The following MYO1B variants were observed in gnomAD, a reference collection of about 807,000 sequenced individuals.
MYO1B encodes myosin IB.
MYO1B carries 72 observed loss-of-function variants against 159.7 expected under a neutral mutation model. That is an observed-to-expected ratio of 0.45 (90% CI 0.37 to 0.55). The LOEUF (loss-of-function observed/expected upper bound fraction) is 0.55. Among genes scored for constraint, MYO1B ranks in the 20% least tolerant of loss-of-function variants. The probability of loss-of-function intolerance (pLI) is 0.00; values close to 1 mark genes in which losing one functional copy is unlikely to be tolerated. For missense variants in MYO1B, 1,062 were observed against 1,364.8 expected (o/e 0.78, Z 3.50); for synonymous variants, 468 against 473.8 (o/e 0.99, Z 0.16).
At chr2:191,300,291 A>G (rs1689230486) in intron 3 of MYO1B, among the ~76,000 whole-genome samples, 2 of 105,768 alleles carry the variant, frequency 1.9e-5, no homozygotes, top group East Asian at 6.8e-4. Flanking sequence ...TACTTTGAAA[A>G]CTTTGCCAAT....
intron 3 of MYO1B, among the ~76,000 whole-genome samples, chr2:191,319,331 A>G (rs566136971): frequency 9.9e-5 from 15 of 152,230 alleles, no homozygotes; most frequent in Admixed American, 3.3e-4. Context: ...AAGCCCTACT[A>G]TGTTGACCAT....
At chr2:191,345,187 C>T (rs1692487757) in intron 5 of MYO1B, among the ~76,000 whole-genome samples, 1 of 152,136 alleles carries the variant, frequency 6.6e-6, no homozygotes, top group Admixed American at 6.6e-5. Flanking sequence ...AGGTGGGAGG[C>T]TTGGTAGAAA....
chr2:191,258,557 A>G (rs1359672947), intron 1 of MYO1B, among the ~76,000 whole-genome samples: 1 of 152,210 alleles, frequency 6.6e-6, no homozygotes, highest in Non-Finnish European at 1.5e-5. Context: ...CTGCATTTTA[A>G]ACTTATGGGA....
At chr2:191,343,987 G>A (rs1692394969) in intron 5 of MYO1B, among the ~76,000 whole-genome samples, 1 of 152,194 alleles carries the variant, frequency 6.6e-6, no homozygotes, top group Non-Finnish European at 1.5e-5. Flanking sequence ...GTTGTGTTTA[G>A]TAATGTGCAA....
Position 191,381,456 on chromosome 2 carries a change from A to T in MYO1B, c.1186-6A>T. On this transcript the variant is annotated splice_polypyrimidine_tract_variant and splice_region_variant and intron_variant, in intron 13 of 30. Transcript: ENST00000392318. ...TATAAAGCTGTTTTTCATTTTCTCC[A>T]TACAGGACAACAGCTTTGAGCAGTT... 2 of 1,610,778 alleles carry T rather than the reference A, an allele frequency of 1.2e-6. No individual in the cohort carries two copies. Among genetic ancestry groups the T allele is most frequent in the Non-Finnish European group, 1.7e-6 (2 of 1,177,152 alleles).
At chr2:191,270,207 C>A (rs956822801) in intron 1 of MYO1B, among the ~76,000 whole-genome samples, 2 of 152,050 alleles carry the variant, frequency 1.3e-5, no homozygotes, top group Admixed American at 6.6e-5. Flanking sequence ...GGAAAGGTGG[C>A]CAATTCATTG....
At chr2:191,341,854 A>G (rs1485262562) in intron 5 of MYO1B, among the ~76,000 whole-genome samples, 1 of 152,098 alleles carries the variant, frequency 6.6e-6, no homozygotes, top group African/African-American at 2.4e-5. Flanking sequence ...TCAACTGATC[A>G]TTTGCATATG....
At chr2:191,254,490 G>A (rs1487522077) in intron 1 of MYO1B, among the ~76,000 whole-genome samples, 1 of 151,322 alleles carries the variant, frequency 6.6e-6, no homozygotes, top group Non-Finnish European at 1.5e-5. Context: ...GATTACAGGC[G>A]TGAGCCACCG....
chr2:191,266,644 A>G (rs1687157052), intron 1 of MYO1B, among the ~76,000 whole-genome samples: 2 of 152,170 alleles, frequency 1.3e-5, no homozygotes, highest in South Asian at 4.1e-4. Flanking sequence ...TGGCTCTTCT[A>G]GAAACCAGCT....
chr2:191,282,170 G>T (rs117640897), intron 2 of MYO1B, among the ~76,000 whole-genome samples: 1 of 152,194 alleles, frequency 6.6e-6, no homozygotes, highest in African/African-American at 2.4e-5. Flanking sequence ...GGAATTTGGC[G>T]TAGATGGAGT....
At chr2:191,414,757 T>A (rs1574648624) in intron 29 of MYO1B, 88 bp downstream of exon 29, 1 of 1,408,760 alleles carries the variant, frequency 7.1e-7, no homozygotes, top group East Asian at 2.6e-5. Flanking sequence ...TCGCAGTTTA[T>A]ATATCTGCCT....
At chr2:191,294,796 T>TTATATATA (rs146354960) in intron 2 of MYO1B, among the ~76,000 whole-genome samples, 2 of 151,522 alleles carry the variant, frequency 1.3e-5, no homozygotes, top group African/African-American at 4.9e-5. Flanking sequence ...GAAAGTGTGT[T>TTATATATA]TATATATATA....
rs1697406362 is a variant in MYO1B, at chr2:191,413,987, T to C, written c.2874-61T>C. The C allele has an allele frequency of 3.3e-6, 5 of 1,520,326 alleles. No homozygotes were observed. The East Asian group carries it at 1.1e-4, about 35-fold the overall frequency. The allele number at this position is 1,520,326 out of a possible 1,614,324, so 94.2% of individuals were successfully genotyped here. ...CCTTAGAATCAACTGACCTGTTTCCTTTTTTTAGTGGTACTTTCATTTGAA... is the reference window on the plus strand; with the variant it reads ...CCTTAGAATCAACTGACCTGTTTCCCTTTTTTAGTGGTACTTTCATTTGAA... On this transcript the variant is annotated intron_variant, in intron 27 of 30. Transcript: ENST00000392318.
intron 30 of MYO1B, among the ~76,000 whole-genome samples, chr2:191,418,045 A>G (rs1041209285): frequency 6.6e-6 from 1 of 152,190 alleles, no homozygotes; most frequent in Non-Finnish European, 1.5e-5. Flanking sequence ...CATGAAGAAA[A>G]CAAACATTGG....
chr2:191,261,428 G>A (rs1045462848), intron 1 of MYO1B, among the ~76,000 whole-genome samples: 1 of 152,180 alleles, frequency 6.6e-6, no homozygotes, highest in Non-Finnish European at 1.5e-5. Flanking sequence ...TTCATGATTG[G>A]TGGGTTAAGT....
At position 191,260,254 on chromosome 2, in the gene MYO1B, C is replaced by CTTTTTTTT. The variant is rs57237733; in HGVS notation, c.-10+14634_-10+14641dup. On this transcript the variant is annotated intron_variant, in intron 1 of 30. Coordinates refer to ENST00000392318, the MANE Select transcript of MYO1B (RefSeq NM_001130158.3). ...TAATATTACTTTTTTCCCAGATAGG[C>CTTTTTTTT]TTTTTTTTTTTTTGAATTAAAGCTA... is the stretch of plus-strand genomic sequence containing the variant. 6.4e-4 allele frequency among the ~76,000 whole-genome samples: 39 copies of CTTTTTTTT among 61,004 alleles called. 7 individuals carry two copies. The highest frequency in any genetic ancestry group is 0.023 in the Middle Eastern group (1 of 44). 40.0% of individuals were successfully genotyped at this position (61,004 alleles called of 152,430 possible). A position where few individuals can be genotyped will look rare whatever the true frequency, so the allele number is the denominator to read the frequency against.
chr2:191,415,503 G>A (rs1458386917), intron 29 of MYO1B, among the ~76,000 whole-genome samples: 2 of 151,808 alleles, frequency 1.3e-5, no homozygotes, highest in Admixed American at 6.6e-5. Context: ...AACAGCTTGG[G>A]AACTTTAAAA....
chr2:191,329,316 T>A (rs1253518684), intron 3 of MYO1B, among the ~76,000 whole-genome samples: 1 of 152,158 alleles, frequency 6.6e-6, no homozygotes, highest in African/African-American at 2.4e-5. Context: ...CTGATGGATC[T>A]TAGAGTTGCA....
rs189053586 is a variant in MYO1B at position 191,312,528 on chromosome 2, G to A, written c.251+16302G>A. 2.3e-4 allele frequency among the ~76,000 whole-genome samples: 35 copies of A among 152,172 alleles called. No individual in the cohort carries two copies. The East Asian group carries it at 6.6e-3, about 29-fold the overall frequency. On this transcript the variant is annotated intron_variant, in intron 3 of 30. Transcript: ENST00000392318. ...ATCATATGACTTTTATTTATCTTAT[G>A]TATCTCATTGATTGTTTCCTATTTA...
Sources: allele counts gnomAD v4.1 joint callset (sites outside exome capture counted in the v4.1 genomes callset), GRCh38; gene constraint gnomAD v4.1.1; transcripts MANE v1.5; gene names NCBI Gene and HGNC (gene_info 2026-07-23, HGNC 2026-07-21).